The following MITF variants were observed in gnomAD, a reference collection of about 807,000 sequenced individuals.
MITF encodes microphthalmia-associated transcription factor.
Under a neutral mutation model 60.5 loss-of-function variants are expected in MITF, and 17 were observed. The ratio of observed to expected loss-of-function variants is 0.28; its 90% CI spans 0.19 to 0.42. The LOEUF (loss-of-function observed/expected upper bound fraction) is 0.42, where lower values mean the gene tolerates loss of function less well. Among genes scored for constraint, MITF ranks in the 10% least tolerant of loss-of-function variants. MITF has a pLI of 1.00. For missense variants in MITF, 622 were observed against 683.5 expected (o/e 0.91, Z 1.00); for synonymous variants, 260 against 248.5 (o/e 1.05, Z -0.43).
intron 2 of MITF, among the ~76,000 whole-genome samples, chr3:69,914,625 CT>C (rs1328993458): frequency 2.6e-5 from 4 of 152,280 alleles, no homozygotes; most frequent in Admixed American, 1.3e-4. Context: ...CTGTCCCCCC[CT>C]GGAGCACTGG....
rs2066701592 is a variant in MITF, at chr3:69,966,869, A to G, written c.*1621A>G. 4.3e-6 allele frequency: 1 copy of G among 232,632 alleles called. No homozygotes were observed. Among genetic ancestry groups the G allele is most frequent in the African/African-American group, 2.2e-5 (1 of 45,306 alleles). The allele number at this position is 232,632 out of a possible 1,614,324, so 14.4% of individuals were successfully genotyped here. A position where few individuals can be genotyped will look rare whatever the true frequency, so the allele number is the denominator to read the frequency against. On this transcript the variant is annotated 3_prime_UTR_variant, in exon 10 of 10. Coordinates refer to ENST00000352241, the MANE Select transcript of MITF (RefSeq NM_001354604.2). Reference sequence around the variant, plus strand: ...TAGCAGTAGTCTTTTTTGGACTAGCACTGACTGAACTGTAATGTAGGGGAA... The same window carrying G: ...TAGCAGTAGTCTTTTTTGGACTAGCGCTGACTGAACTGTAATGTAGGGGAA...
intron 1 of MITF, among the ~76,000 whole-genome samples, chr3:69,806,051 C>A (rs193155258): frequency 3.3e-5 from 5 of 151,360 alleles, no homozygotes; most frequent in African/African-American, 9.7e-5. Flanking sequence ...CTTTGCAAAG[C>A]GGATTTGGGG....
At chr3:69,894,350 C>T (rs1001688618) in intron 2 of MITF, among the ~76,000 whole-genome samples, 13 of 152,240 alleles carry the variant, frequency 8.5e-5, no homozygotes, top group Admixed American at 1.3e-4. Flanking sequence ...TGGAATTACT[C>T]GACTTCTTCC....
chr3:69,756,465 ATT>A (rs34858804), intron 1 of MITF, among the ~76,000 whole-genome samples: 1 of 150,166 alleles, frequency 6.7e-6, no homozygotes, highest in Non-Finnish European at 1.5e-5. Context: ...ACATGAACTC[ATT>A]TTTTTTTTAT....
intron 5 of MITF, among the ~76,000 whole-genome samples, chr3:69,945,519 G>A (rs2107501776): frequency 6.6e-6 from 1 of 152,294 alleles, no homozygotes; most frequent in East Asian, 1.9e-4. Context: ...GTTTTCTAAT[G>A]CAGAAGAACC....
At chr3:69,796,643 A>G (rs988183054) in intron 1 of MITF, among the ~76,000 whole-genome samples, 13 of 151,282 alleles carry the variant, frequency 8.6e-5, no homozygotes, top group African/African-American at 3.2e-4. Context: ...AGTAGCTGGG[A>G]CTACAGGCGC....
chr3:69,875,179 G>A (rs2064325625), intron 1 of MITF, among the ~76,000 whole-genome samples: 2 of 152,172 alleles, frequency 1.3e-5, no homozygotes, highest in Non-Finnish European at 2.9e-5. Flanking sequence ...TCCAATCGGT[G>A]GCCCTCCTCC....
intron 1 of MITF, among the ~76,000 whole-genome samples, chr3:69,784,694 T>C (rs543935082): frequency 6.6e-6 from 1 of 152,202 alleles, no homozygotes; most frequent in East Asian, 1.9e-4. Context: ...GGTAGATAAC[T>C]AGTTGGATTA....
At chr3:69,901,610 G>T (rs919378492) in intron 2 of MITF, among the ~76,000 whole-genome samples, 1 of 152,112 alleles carries the variant, frequency 6.6e-6, no homozygotes, top group East Asian at 1.9e-4. Flanking sequence ...GTGGCACATG[G>T]TCTAATCACC....
rs1017669738 is a variant in MITF, at chr3:69,902,089, C to A, written c.354+22706C>A. On this transcript the variant is annotated intron_variant, in intron 2 of 9. Coordinates refer to ENST00000352241, the MANE Select transcript of MITF (RefSeq NM_001354604.2). ...ATGGAACCTTAATTTTAGATTGTGT[C>A]CCTAATGTTTGGTGAAAATAAAAAT... Among the ~76,000 whole-genome samples the A allele has an allele frequency of 3.3e-5, 5 of 152,088 alleles. No individual in the cohort carries two copies. In the East Asian group the frequency reaches 9.6e-4, roughly 29 times the overall value.
chr3:69,926,480 C>T (rs1234473886), intron 2 of MITF, among the ~76,000 whole-genome samples: 1 of 152,144 alleles, frequency 6.6e-6, no homozygotes, highest in Non-Finnish European at 1.5e-5. Context: ...AGTGTCGGTA[C>T]TTATGAGAAG....
At chr3:69,915,807 C>CA (rs1206619106) in intron 2 of MITF, among the ~76,000 whole-genome samples, 1 of 152,164 alleles carries the variant, frequency 6.6e-6, no homozygotes, top group Non-Finnish European at 1.5e-5. Flanking sequence ...TCAGTCTTCC[C>CA]ACAGCCTTGC....
intron 2 of MITF, among the ~76,000 whole-genome samples, chr3:69,937,458 C>A (rs551033775): frequency 6.6e-6 from 1 of 150,402 alleles, no homozygotes; most frequent in South Asian, 2.1e-4. Context: ...AACAATTATG[C>A]CACTTCTACA....
intron 5 of MITF, among the ~76,000 whole-genome samples, chr3:69,946,473 G>A (rs2107504239): frequency 6.6e-6 from 1 of 152,240 alleles, no homozygotes; most frequent in South Asian, 2.1e-4. Flanking sequence ...CATGGGACGT[G>A]AGCCTCCGAC....
chr3:69,817,439 G>A (rs1023517149), intron 1 of MITF, among the ~76,000 whole-genome samples: 18 of 152,084 alleles, frequency 1.2e-4, no homozygotes, highest in Non-Finnish European at 2.6e-4. Flanking sequence ...GCAGTATGAT[G>A]TGTACAATGG....
At chr3:69,797,062 A>G (rs1270718255) in intron 1 of MITF, among the ~76,000 whole-genome samples, 1 of 152,222 alleles carries the variant, frequency 6.6e-6, no homozygotes, top group East Asian at 1.9e-4. Flanking sequence ...TTCTAAGTTT[A>G]TAAATTATTT....
intron 1 of MITF, among the ~76,000 whole-genome samples, chr3:69,744,563 T>C (rs960480070): frequency 6.6e-6 from 1 of 152,248 alleles, no homozygotes; most frequent in Non-Finnish European, 1.5e-5. Flanking sequence ...GCATGGCACC[T>C]GACACACAGT....
rs78382923 is a variant in MITF at position 69,932,342 on chromosome 3, A to T, written c.355-5480A>T. Among the ~76,000 whole-genome samples, 8 of 152,202 alleles carry T rather than the reference A, an allele frequency of 5.3e-5. No individual in the cohort carries two copies. The East Asian group carries it at 1.5e-3, about 29-fold the overall frequency. Reference sequence around the variant, plus strand: ...TTTATTTATCCACATTGAAATCTGAATTTTATATAATTTTCATGTGTCATG... The same window carrying T: ...TTTATTTATCCACATTGAAATCTGATTTTTATATAATTTTCATGTGTCATG... On this transcript the variant is annotated intron_variant, in intron 2 of 9. Coordinates refer to ENST00000352241, the MANE Select transcript of MITF (RefSeq NM_001354604.2).
At chr3:69,838,121 G>A (rs1375395605) in intron 1 of MITF, among the ~76,000 whole-genome samples, 1 of 152,168 alleles carries the variant, frequency 6.6e-6, no homozygotes, top group African/African-American at 2.4e-5. Context: ...TTAAATGAAA[G>A]AAGATAGAGT....
Sources: gnomAD v4.1 joint callset for allele counts (sites outside exome capture counted in the v4.1 genomes callset) on GRCh38, gnomAD v4.1.1 for gene constraint, MANE v1.5 for transcripts, NCBI Gene and HGNC (gene_info 2026-07-23, HGNC 2026-07-21) for gene names.